The following ALPK2 variants were observed in gnomAD, a reference collection of about 807,000 sequenced individuals.
ALPK2 encodes alpha kinase 2.
Under a neutral mutation model 163.1 loss-of-function variants are expected in ALPK2, and 127 were observed. That is an observed-to-expected ratio of 0.78 (90% confidence interval 0.67 to 0.90). ALPK2 has a LOEUF of 0.90. Ranked by LOEUF, ALPK2 falls within the 40% of genes least tolerant of loss-of-function variation. ALPK2 has a pLI of 0.00. For missense variants in ALPK2, 2,360 were observed against 2,589.6 expected, an observed-to-expected ratio of 0.91 and a Z score of 1.92; for synonymous variants, 953 against 959.1, an observed-to-expected ratio of 0.99 and a Z score of 0.12.
At chr18:58,482,309 T>C (rs1426094856) in intron 12 of ALPK2, among the ~76,000 whole-genome samples, 1 of 152,112 alleles carries the variant, frequency 6.6e-6, no homozygotes, top group African/African-American at 2.4e-5. Context: ...ACGGTTGGAA[T>C]GTACCAGCAT....
chr18:58,618,299 G>A (rs187698268), intron 1 of ALPK2, among the ~76,000 whole-genome samples: 168 of 152,222 alleles, frequency 1.1e-3, no homozygotes, highest in Non-Finnish European at 1.1e-3. Context: ...CACCGGCCCC[G>A]GCCTCCCAAA....
Position 58,580,233 on chromosome 18 carries a change from G to T in ALPK2, c.543C>A (p.Asp181Glu), listed in dbSNP as rs373820429. ...GATTTTCAGAACTGGACACACTAAT[G>T]TCAAGATTGCCCAATGACTGGAGGG... ...SLSLQSLGNL[D>E]ISVSSSENPL... The change falls in exon 4 of 13, where the codon GAC (aspartate) becomes GAA (glutamate). Residue 181 changes from aspartate (D) to glutamate (E), a missense_variant. Physicochemically the swap from Asp to Glu is conservative, Grantham distance 45. Transcript: ENST00000361673. The T allele has an allele frequency of 6.2e-7, 1 of 1,614,216 alleles. No homozygotes were observed. Among genetic ancestry groups the T allele is most frequent in the South Asian group, 1.1e-5 (1 of 91,084 alleles).
chr18:58,611,942 GAAGGTCT>G (rs569716687), intron 1 of ALPK2, 125 bp from the exon 2 acceptor site: 100 of 604,032 alleles, frequency 1.7e-4, no homozygotes, highest in African/African-American at 1.5e-3. Flanking sequence ...TGGGCAGACT[GAAGGTCT>G]TTGGGCAGCC....
rs972401240 is a variant in ALPK2 at position 58,580,175 on chromosome 18, C to G, written c.601G>C (p.Glu201Gln). 14 of 1,614,230 alleles carry G rather than the reference C, an allele frequency of 8.7e-6. No homozygotes were observed. Among genetic ancestry groups the G allele is most frequent in the Middle Eastern group, 1.6e-4 (1 of 6,062 alleles). ...TCTGTGTTACTTGGATCATAAGCCTCTCCAGTGTGCCTTGTTCCTTTAACA... is the reference window on the plus strand; with the variant it reads ...TCTGTGTTACTTGGATCATAAGCCTGTCCAGTGTGCCTTGTTCCTTTAACA... ...LGVKGTRHTG[E>Q]AYDPSNTEEI... is the part of the protein sequence containing the mutation. The change falls in exon 4 of 13, where the codon GAG becomes CAG. Residue 201 changes from glutamate to glutamine, a missense_variant. Glu to Gln is a conservative substitution (Grantham distance 29). Coordinates refer to ENST00000361673, the MANE Select transcript of ALPK2 (RefSeq NM_052947.4).
intron 4 of ALPK2, among the ~76,000 whole-genome samples, chr18:58,555,833 T>C (rs1424622104): frequency 1.3e-5 from 2 of 152,142 alleles, no homozygotes; most frequent in Admixed American, 1.3e-4. Context: ...TTTTAAAAAC[T>C]TTTTTTGAGA....
intron 1 of ALPK2, among the ~76,000 whole-genome samples, chr18:58,619,904 A>G (rs1480213758): frequency 6.6e-6 from 1 of 152,260 alleles, no homozygotes; most frequent in African/African-American, 2.4e-5. Context: ...CTAAATGTCT[A>G]TTGGAAATAA....
Position 58,600,237 on chromosome 18 carries a change from A to G in ALPK2, c.227+7085T>C, listed in dbSNP as rs761072667. 2.0e-5 allele frequency among the ~76,000 whole-genome samples: 3 copies of G among 151,980 alleles called. 1 individual carries two copies. The highest frequency in any genetic ancestry group is 4.1e-4 in the South Asian group (2 of 4,824). ...TTTTTAGTACAGACAGGGTTTCACC[A>G]TGTTGTCCAGGCTGGTCTTGAACTC... On this transcript the variant is annotated intron_variant, in intron 3 of 12. Transcript: ENST00000361673.
chr18:58,594,645 A>G (rs34967737), intron 3 of ALPK2, among the ~76,000 whole-genome samples: 21,018 of 152,174 alleles, frequency 0.14, 1,577 homozygotes, highest in Non-Finnish European at 0.16. Flanking sequence ...GCACGCCCCA[A>G]GCCAAACTGT....
chr18:58,488,273 C>T (rs549912654), intron 12 of ALPK2, among the ~76,000 whole-genome samples: 70 of 147,820 alleles, frequency 4.7e-4, no homozygotes, highest in Admixed American at 8.9e-4. Flanking sequence ...CAGTCCTGCC[C>T]TCACTCAACA....
At chr18:58,602,763 C>T (rs529129699) in intron 3 of ALPK2, among the ~76,000 whole-genome samples, 99 of 152,154 alleles carry the variant, frequency 6.5e-4, no homozygotes, top group Non-Finnish European at 7.9e-4. Context: ...GACAGGAGGT[C>T]GGCATAAGAT....
At chr18:58,550,618 C>T (rs73959697) in intron 4 of ALPK2, among the ~76,000 whole-genome samples, 506 of 2,258 alleles carry the variant, frequency 0.22, no homozygotes, top group Non-Finnish European at 0.26. Context: ...CACATACAAC[C>T]ACATCCCCAT....
At chr18:58,515,422 A>C (rs758844958) in intron 9 of ALPK2, among the ~76,000 whole-genome samples, 11 of 152,226 alleles carry the variant, frequency 7.2e-5, no homozygotes, top group Non-Finnish European at 1.0e-4. Flanking sequence ...TTGGGGCACT[A>C]CTGGGTTTCC....
At chr18:58,501,359 T>C (rs1048096497) in intron 11 of ALPK2, among the ~76,000 whole-genome samples, 2 of 152,238 alleles carry the variant, frequency 1.3e-5, no homozygotes, top group Non-Finnish European at 2.9e-5. Context: ...AGAGTCTAAA[T>C]AGAACAAACA....
chr18:58,579,338 C>T lies in ALPK2; in HGVS notation c.1438G>A (p.Ala480Thr). Residue 480 changes from alanine (A) to threonine (T), a missense_variant, in exon 4 of 13, where the codon GCC becomes ACC. By Grantham distance (58) the Ala-to-Thr change is moderately conservative. Coordinates refer to ENST00000361673, the MANE Select transcript of ALPK2 (RefSeq NM_052947.4). The stretch of plus-strand genomic sequence containing the variant: ...TCCATGTTGAGCAGATTGTCACTGG[C>T]AAATTCCTCTCTTGCTTGGTGGCTG... ...RDSHQAREEF[A>T]SDNLLNMDES... 6.2e-7 allele frequency: 1 copy of T among 1,614,200 alleles called. No homozygotes were observed. The highest frequency in any genetic ancestry group is 8.5e-7 in the Non-Finnish European group (1 of 1,180,042).
intron 2 of ALPK2, among the ~76,000 whole-genome samples, chr18:58,609,317 A>G (rs1467666245): frequency 6.6e-6 from 1 of 152,176 alleles, no homozygotes; most frequent in Non-Finnish European, 1.5e-5. Flanking sequence ...CTATAAAAAG[A>G]CACCAAAAAA....
At chr18:58,498,211 G>A in intron 11 of ALPK2, 114 bp from the exon 12 acceptor site, 2 of 951,034 alleles carry the variant, frequency 2.1e-6, no homozygotes, top group South Asian at 1.4e-5. Flanking sequence ...TCTCCTTCCT[G>A]CATAAACACT....
intron 4 of ALPK2, among the ~76,000 whole-genome samples, chr18:58,565,884 C>T (rs2144181944): frequency 6.6e-6 from 1 of 152,104 alleles, no homozygotes; most frequent in East Asian, 1.9e-4. Context: ...CGGATTCAAG[C>T]AATTCTTCTG....
chr18:58,492,848 C>T (rs183948048), intron 12 of ALPK2, among the ~76,000 whole-genome samples: 5 of 152,308 alleles, frequency 3.3e-5, no homozygotes, highest in Admixed American at 3.3e-4. Flanking sequence ...CTGTGCTAGT[C>T]CCTCCATGGA....
intron 4 of ALPK2, among the ~76,000 whole-genome samples, chr18:58,574,431 T>C (rs1602224989): frequency 3.8e-5 from 4 of 105,870 alleles, no homozygotes; most frequent in Non-Finnish European, 5.3e-5. Context: ...AGAGTGAGAC[T>C]CCATCTCAAA....
Sources: allele counts gnomAD v4.1 joint callset (sites outside exome capture counted in the v4.1 genomes callset), GRCh38; gene constraint gnomAD v4.1.1; transcripts MANE v1.5; gene names NCBI Gene and HGNC (gene_info 2026-07-23, HGNC 2026-07-21).